The following GLIS1 variants were observed in gnomAD, a reference collection of about 807,000 sequenced individuals.
GLIS1 encodes the protein GLIS family zinc finger 1.
GLIS1 carries 24 observed loss-of-function variants against 63.8 expected under a neutral mutation model. The observed-to-expected ratio is 0.38, with a 90% CI of 0.27 to 0.53. The LOEUF (loss-of-function observed/expected upper bound fraction) is 0.53. Ranked by LOEUF, GLIS1 falls within the 20% of genes least tolerant of loss-of-function variation. GLIS1 has a pLI of 0.85. For missense variants in GLIS1, 1,036 were observed against 1,074.1 expected (o/e 0.96, Z 0.50); for synonymous variants, 450 against 482.5 (o/e 0.93, Z 0.88).
Position 53,638,795 on chromosome 1 carries a change from G to A in GLIS1, c.260-38517C>T, listed in dbSNP as rs2948041. ...GGACATGAAAACGAGGGTAAACCCT[G>A]GAGGGAGTGGCCGGGGGAGCACATG... On this transcript the variant is annotated intron_variant, in intron 2 of 10. Transcript: ENST00000628545. 8.1e-4 allele frequency among the ~76,000 whole-genome samples: 123 copies of A among 152,284 alleles called. 1 individual carries two copies. Among genetic ancestry groups the A allele is most frequent in the African/African-American group, 2.9e-3 (120 of 41,556 alleles).
chr1:53,594,762 A>T lies in GLIS1; in HGVS notation c.666T>A (p.Ser222=), dbSNP rs763142348. 6.3e-7 allele frequency: 1 copy of T among 1,595,872 alleles called. No individual in the cohort carries two copies. Among genetic ancestry groups the T allele is most frequent in the East Asian group, 2.2e-5 (1 of 44,690 alleles). ...GGGTCTCGGGCTGGAGGCCCAGGCCAGAGCTGGGTTCGCTGCCCAGAAGGT... is the reference window on the plus strand; with the variant it reads ...GGGTCTCGGGCTGGAGGCCCAGGCCTGAGCTGGGTTCGCTGCCCAGAAGGT... The part of the protein sequence containing the change: ...SCYLLGSEPS[S]GLGLQPETHL... The change falls in exon 4 of 11, where the codon TCT becomes TCA. Residue 222 remains serine (S), a synonymous_variant. Coordinates refer to ENST00000628545, the MANE Select transcript of GLIS1 (RefSeq NM_001367484.1).
chr1:53,632,843 GTGTA>G (rs1019817965), intron 2 of GLIS1, among the ~76,000 whole-genome samples: 13 of 149,384 alleles, frequency 8.7e-5, no homozygotes, highest in Non-Finnish European at 1.2e-4. Context: ...ACTAAGGGGC[GTGTA>G]TGTATGTGAC....
chr1:53,594,457 G>A lies in GLIS1; in HGVS notation c.971C>T (p.Pro324Leu). 1 of 1,612,992 alleles carries A rather than the reference G, an allele frequency of 6.2e-7. No homozygotes were observed. The highest frequency in any genetic ancestry group is 8.5e-7 in the Non-Finnish European group (1 of 1,180,012). ...CRKASFLKQE[P>L]ADEFSELFGP... The stretch of plus-strand genomic sequence containing the variant: ...AAAGAGCTCTGAAAACTCATCCGCG[G>A]GTTCCTGCTTCAGGAAGCTCGCCTT... Residue 324 changes from proline to leucine, a missense_variant, in exon 4 of 11, where the codon CCC (proline) becomes CTC (leucine). This residue lies in a region of GLIS1 where 592 missense variants were observed against 593.9 expected (regional missense o/e 1.00). Transcript: ENST00000628545.
chr1:53,533,777 C>T (rs1221943318), intron 4 of GLIS1, among the ~76,000 whole-genome samples: 2 of 151,082 alleles, frequency 1.3e-5, no homozygotes, highest in Admixed American at 6.6e-5. Flanking sequence ...TGTGGTCCTT[C>T]CTAGTCAACA....
chr1:53,708,616 T>A (rs1233557881), intron 2 of GLIS1, among the ~76,000 whole-genome samples: 1 of 152,046 alleles, frequency 6.6e-6, no homozygotes, highest in Non-Finnish European at 1.5e-5. Context: ...TAATTACCAT[T>A]TCCTGGGCAT....
chr1:53,674,043 G>A (rs192553927), intron 2 of GLIS1, among the ~76,000 whole-genome samples: 4 of 152,062 alleles, frequency 2.6e-5, no homozygotes, highest in East Asian at 1.9e-4. Flanking sequence ...ATGGGGGCAC[G>A]CGCCTGTAAT....
intron 4 of GLIS1, among the ~76,000 whole-genome samples, chr1:53,548,628 G>T (rs1644728919): frequency 6.6e-6 from 1 of 152,182 alleles, no homozygotes; most frequent in South Asian, 2.1e-4. Flanking sequence ...ACAAGGTAAG[G>T]GTTATAGACA....
At chr1:53,690,101 C>A (rs1239911199) in intron 2 of GLIS1, among the ~76,000 whole-genome samples, 1 of 152,210 alleles carries the variant, frequency 6.6e-6, no homozygotes, top group Non-Finnish European at 1.5e-5. Context: ...GAGCACCCTG[C>A]GTCATGCCTG....
chr1:53,723,428 T>A (rs1646776355), intron 2 of GLIS1, among the ~76,000 whole-genome samples: 1 of 151,958 alleles, frequency 6.6e-6, no homozygotes, highest in Admixed American at 6.6e-5. Context: ...AGTGACAGTG[T>A]TCGCCATGTT....
At chr1:53,525,050 C>G (rs1557431588) in intron 5 of GLIS1, among the ~76,000 whole-genome samples, 163 bp from the exon 6 acceptor site, 1 of 152,206 alleles carries the variant, frequency 6.6e-6, no homozygotes, top group Non-Finnish European at 1.5e-5. Flanking sequence ...GGTGCCTGGC[C>G]TGGGAGCGGA....
intron 4 of GLIS1, among the ~76,000 whole-genome samples, chr1:53,531,921 T>C (rs960436258): frequency 4.6e-5 from 7 of 151,994 alleles, no homozygotes; most frequent in African/African-American, 1.7e-4. Flanking sequence ...AAGAAGATAG[T>C]GGGGTGACGC....
Position 53,529,821 on chromosome 1 carries a change from GC to G in GLIS1, c.1451del (p.Arg484ProfsTer9). On this transcript the variant is annotated frameshift_variant, in exon 5 of 11. Coordinates refer to ENST00000628545, the MANE Select transcript of GLIS1 (RefSeq NM_001367484.1). LOFTEE classifies it high-confidence loss of function. Reference protein sequence around the residue: ...CQKAFSNSSDRAKHQRTHLDT... With the variant: ...CQKAFSNSSDXAKHQRTHLDT... ...CTAGGTGGGTGCGCTGGTGCTTGGC[GC>G]GGTCGCTGGAGTTGCTGAAGGCCTT... 6.2e-7 allele frequency: 1 copy of G among 1,613,278 alleles called. No individual in the cohort carries two copies. The highest frequency in any genetic ancestry group is 8.5e-7 in the Non-Finnish European group (1 of 1,179,976).
At chr1:53,626,397 C>T (rs1407631093) in intron 2 of GLIS1, among the ~76,000 whole-genome samples, 2 of 152,294 alleles carry the variant, frequency 1.3e-5, no homozygotes, top group African/African-American at 4.8e-5. Context: ...CAGGAACCCC[C>T]TTCTGCTCCA....
intron 2 of GLIS1, among the ~76,000 whole-genome samples, chr1:53,644,733 G>A (rs1274820145): frequency 2.6e-5 from 4 of 152,124 alleles, no homozygotes; most frequent in African/African-American, 7.2e-5. Context: ...AGAATTAAAC[G>A]GTGCATTTGG....
Position 53,533,831 on chromosome 1 carries a change from A to G in GLIS1, c.1321-3879T>C, listed in dbSNP as rs568449544. 4.6e-5 allele frequency among the ~76,000 whole-genome samples: 7 copies of G among 152,264 alleles called. No homozygotes were observed. In the South Asian group the frequency reaches 1.5e-3, roughly 32 times the overall value. ...ACAGAGGCACAGAAAGAGGGATGAG[A>G]GCGACCATCAGTTCAGCACCTATTG... On this transcript the variant is annotated intron_variant, in intron 4 of 10. Transcript: ENST00000628545.
rs200779828 is a variant in GLIS1 at position 53,524,910 on chromosome 1, G to C, written c.1483-23C>G. 2.1e-4 allele frequency: 330 copies of C among 1,565,404 alleles called. No homozygotes were observed. The East Asian group carries it at 4.2e-3, about 20-fold the overall frequency. ...CTTCTGTAACATGGGGGGCACGGGTGGGGTGAGTGAGGCCCATCCCTACGG... is the reference window on the plus strand; with the variant it reads ...CTTCTGTAACATGGGGGGCACGGGTCGGGTGAGTGAGGCCCATCCCTACGG... On this transcript the variant is annotated intron_variant, in intron 5 of 10. Coordinates refer to ENST00000628545, the MANE Select transcript of GLIS1 (RefSeq NM_001367484.1).
chr1:53,636,096 A>C (rs1266434231), intron 2 of GLIS1, among the ~76,000 whole-genome samples: 1 of 152,218 alleles, frequency 6.6e-6, no homozygotes, highest in Non-Finnish European at 1.5e-5. Flanking sequence ...TCACTGTATA[A>C]GGCTAGGAAA....
intron 2 of GLIS1, among the ~76,000 whole-genome samples, chr1:53,627,674 T>A (rs1645609855): frequency 6.6e-6 from 1 of 152,212 alleles, no homozygotes; most frequent in Admixed American, 6.5e-5. Context: ...GTATTTATTA[T>A]CTTAAAGAGA....
Position 53,585,660 on chromosome 1 carries a change from T to G in GLIS1, c.1320+8448A>C, listed in dbSNP as rs529858749. On this transcript the variant is annotated intron_variant, in intron 4 of 10. Coordinates refer to ENST00000628545, the MANE Select transcript of GLIS1 (RefSeq NM_001367484.1). ...AGGCCTCAAGACCAGGAACTACATT[T>G]GGGGAGCACATAGCCAACCTGTTCC... Among the ~76,000 whole-genome samples, 27 of 152,218 alleles carry G rather than the reference T, an allele frequency of 1.8e-4. No homozygotes were observed. The South Asian group carries it at 3.3e-3, about 19-fold the overall frequency.
Sources: gnomAD v4.1 joint callset for allele counts (sites outside exome capture counted in the v4.1 genomes callset) on GRCh38, gnomAD v4.1.1 for gene constraint, gnomAD v4.1.1 regional missense constraint, MANE v1.5 for transcripts, NCBI Gene and HGNC (gene_info 2026-07-23, HGNC 2026-07-21) for gene names.